UBE2J1: variants seen among roughly 807,000 people sequenced by gnomAD.
UBE2J1 encodes the protein ubiquitin-conjugating enzyme E2 J1.
UBE2J1 carries 17 observed loss-of-function variants against 42.1 expected under a neutral mutation model. The ratio of observed to expected loss-of-function variants is 0.40; its 90% confidence interval spans 0.28 to 0.61. UBE2J1 has a LOEUF of 0.61. UBE2J1 is among the 20% of genes least tolerant of loss of function. UBE2J1 has a pLI of 0.38. For missense variants in UBE2J1, 291 were observed against 389.4 expected (o/e 0.75, Z 2.13); for synonymous variants, 127 against 137.2 (o/e 0.93, Z 0.52).
rs1262946245 is a variant in UBE2J1, at chr6:89,329,693, C to T, written c.943G>A (p.Asp315Asn). ...ACAAAACCATATTATAACTCAAAGT[C>T]AAATATGTATTCGTTTGCCAGATAT... is the stretch of plus-strand genomic sequence containing the variant. ...RIYLANEYIF[D>N]FEL is the part of the protein sequence containing the mutation. Residue 315 changes from aspartate (D) to asparagine (N), a missense_variant, in exon 8 of 8, where the codon GAC becomes AAC. Physicochemically the swap from Asp to Asn is conservative, Grantham distance 23 (BLOSUM62 1). Coordinates refer to ENST00000435041, the MANE Select transcript of UBE2J1 (RefSeq NM_016021.3). 1.9e-6 allele frequency: 3 copies of T among 1,613,998 alleles called. No individual in the cohort carries two copies.
chr6:89,335,446 T>C lies in UBE2J1; in HGVS notation c.429-15A>G. ...AATCTTGTGATCTAGTAGAAAAAGA[T>C]TTTTTAAATGAAAATAAATAGTTAA... On this transcript the variant is annotated splice_polypyrimidine_tract_variant and intron_variant, in intron 5 of 7. Coordinates refer to ENST00000435041, the MANE Select transcript of UBE2J1 (RefSeq NM_016021.3). 1 of 1,536,738 alleles carries C rather than the reference T, an allele frequency of 6.5e-7. No homozygotes were observed. The highest frequency in any genetic ancestry group is 8.8e-7 in the Non-Finnish European group (1 of 1,135,486).
At position 89,335,006 on chromosome 6, in the gene UBE2J1, T is replaced by C. The variant is rs1768082298; in HGVS notation, c.558+296A>G. Among the ~76,000 whole-genome samples the C allele has an allele frequency of 2.0e-5, 3 of 152,328 alleles. 1 individual carries two copies. In the South Asian group the frequency reaches 6.2e-4, roughly 32 times the overall value. On this transcript the variant is annotated intron_variant, in intron 6 of 7. Transcript: ENST00000435041. ...CAGAGCTGGGATTTGAACCCTGGCATTGTATACCAGAGTTCAAGTTTCACT... is the reference window on the plus strand; with the variant it reads ...CAGAGCTGGGATTTGAACCCTGGCACTGTATACCAGAGTTCAAGTTTCACT...
intron 1 of UBE2J1, among the ~76,000 whole-genome samples, chr6:89,349,790 TG>T (rs1768433542): frequency 6.6e-6 from 1 of 152,158 alleles, no homozygotes; most frequent in Non-Finnish European, 1.5e-5. Context: ...CTTAGACTTC[TG>T]GTGGAGGCAG....
chr6:89,338,090 T>A (rs548443681), intron 5 of UBE2J1, 115 bp downstream of exon 5: 2 of 662,408 alleles, frequency 3.0e-6, no homozygotes, highest in South Asian at 4.3e-5. Flanking sequence ...GATAAGATCC[T>A]GTAGCTACAG....
intron 1 of UBE2J1, 48 bp downstream of exon 1, chr6:89,352,491 T>C: frequency 6.5e-7 from 1 of 1,534,154 alleles, no homozygotes; most frequent in Admixed American, 1.9e-5. Flanking sequence ...CACCCCGGGG[T>C]CCAGGGTCAC....
Position 89,340,401 on chromosome 6 carries a change from G to A in UBE2J1, c.238-1858C>T, listed in dbSNP as rs778920196. On this transcript the variant is annotated intron_variant, in intron 3 of 7. Coordinates refer to ENST00000435041, the MANE Select transcript of UBE2J1 (RefSeq NM_016021.3). ...CCCATGCACCAGCCCCTCCCTCCCC[G>A]AAGACCACTTAGCTCTCCCCATGAT... is the stretch of plus-strand genomic sequence containing the variant. 1.8e-3 allele frequency among the ~76,000 whole-genome samples: 279 copies of A among 152,000 alleles called. 1 individual carries two copies. Among genetic ancestry groups the A allele is most frequent in the Non-Finnish European group, 1.7e-3 (118 of 68,006 alleles).
chr6:89,338,587 T>C, intron 3 of UBE2J1, 44 bp from the exon 4 acceptor site: 1 of 1,079,338 alleles, frequency 9.3e-7, no homozygotes, highest in East Asian at 2.6e-5. Context: ...TACATGTGCT[T>C]AATGTTTATA....
chr6:89,352,463 G>A (rs1387567184), intron 1 of UBE2J1, 76 bp downstream of exon 1: 2 of 1,461,588 alleles, frequency 1.4e-6, no homozygotes, highest in African/African-American at 1.5e-5. Context: ...CCAGACGCGA[G>A]GGGACCGAGG....
chr6:89,333,184 T>C lies in UBE2J1; in HGVS notation c.580A>G (p.Lys194Glu), dbSNP rs765459662. The C allele has an allele frequency of 6.2e-7, 1 of 1,611,954 alleles. No individual in the cohort carries two copies. Among genetic ancestry groups the C allele is most frequent in the Non-Finnish European group, 8.5e-7 (1 of 1,179,128 alleles). Residue 194 changes from lysine (K) to glutamate (E), a missense_variant, in exon 7 of 8, where the codon AAG becomes GAG. By Grantham distance (56) the Lys-to-Glu change is moderately conservative (BLOSUM62 1). This residue lies in a region of UBE2J1 where 176 missense variants were observed against 196.3 expected (regional missense o/e 0.90). Transcript: ENST00000435041. ...TTTAAGTCTGACTCAGAGATAGTCT[T>C]TCCAGATGAATTGACTTCTGCCTAT... ...SFKAEVNSSG[K>E]TISESDLNHS...
intron 3 of UBE2J1, 148 bp downstream of exon 3, chr6:89,342,176 A>T (rs1447930251): frequency 1.4e-6 from 1 of 699,938 alleles, no homozygotes; most frequent in African/African-American, 1.8e-5. Context: ...ATTATTTTGG[A>T]GGAAAAAAAT....
intron 1 of UBE2J1, among the ~76,000 whole-genome samples, chr6:89,347,427 T>C (rs1331005633): frequency 6.6e-6 from 1 of 152,218 alleles, no homozygotes; most frequent in Non-Finnish European, 1.5e-5. Context: ...CTTATCGCAT[T>C]TTCTCTGCCT....
intron 3 of UBE2J1, among the ~76,000 whole-genome samples, chr6:89,339,792 T>C (rs901705202): frequency 1.3e-5 from 2 of 151,494 alleles, no homozygotes; most frequent in Non-Finnish European, 2.9e-5. Flanking sequence ...GAAGGTCACT[T>C]GAGGCCAGGA....
intron 1 of UBE2J1, among the ~76,000 whole-genome samples, chr6:89,351,819 T>C (rs1220458339): frequency 6.6e-6 from 1 of 152,204 alleles, no homozygotes; most frequent in African/African-American, 2.4e-5. Flanking sequence ...ATCTTTATAA[T>C]GCACCAGAAA....
chr6:89,350,090 G>A (rs1212563289), intron 1 of UBE2J1, among the ~76,000 whole-genome samples: 1 of 151,714 alleles, frequency 6.6e-6, no homozygotes, highest in Non-Finnish European at 1.5e-5. Flanking sequence ...CTACTGTGAG[G>A]TGATCCTACA....
At chr6:89,343,812 G>C (rs1199091480) in intron 1 of UBE2J1, 56 bp from the exon 2 acceptor site, 9 of 1,385,488 alleles carry the variant, frequency 6.5e-6, no homozygotes, top group Non-Finnish European at 7.9e-6. Context: ...TGAATGATTA[G>C]CACAGTCTTA....
At position 89,342,363 on chromosome 6, in the gene UBE2J1, T is replaced by C; in HGVS notation, c.198A>G (p.Pro66=). Residue 66 remains proline, a synonymous_variant, in exon 3 of 8, where the codon CCA becomes CCG. Coordinates refer to ENST00000435041, the MANE Select transcript of UBE2J1 (RefSeq NM_016021.3). ...TGCTTGGTGGTTTCATGGGATACTC[T>C]GGTGGCAGTACTATCCGCCCGTGAT... is the stretch of plus-strand genomic sequence containing the variant. ...GVYHGRIVLP[P]EYPMKPPSII... The C allele has an allele frequency of 6.2e-7, 1 of 1,614,128 alleles. No homozygotes were observed. Among genetic ancestry groups the C allele is most frequent in the Non-Finnish European group, 8.5e-7 (1 of 1,179,994 alleles).
chr6:89,340,134 T>C (rs1006449117), intron 3 of UBE2J1, among the ~76,000 whole-genome samples: 1 of 152,150 alleles, frequency 6.6e-6, no homozygotes, highest in East Asian at 1.9e-4. Flanking sequence ...AGAAAGGCTC[T>C]GAGAGAGGTG....
At chr6:89,342,547 A>G (rs781496060) in intron 2 of UBE2J1, 92 bp from the exon 3 acceptor site, 14 of 1,225,706 alleles carry the variant, frequency 1.1e-5, no homozygotes, top group South Asian at 1.6e-5. Context: ...AGCAAGAAAA[A>G]TTAAATGCTT....
At position 89,338,521 on chromosome 6, in the gene UBE2J1, C is replaced by T. The variant is rs764609861; in HGVS notation, c.260G>A (p.Gly87Asp). 1 of 1,588,062 alleles carries T rather than the reference C, an allele frequency of 6.3e-7. No homozygotes were observed. Among genetic ancestry groups the T allele is most frequent in the South Asian group, 1.2e-5 (1 of 85,488 alleles). The part of the protein sequence containing the change: ...LLTANGRFEV[G>D]KKICLSISGH... Reference sequence around the variant, plus strand: ...TGAGATGCTCAAACAGATTTTCTTGCCCACTTCAAATCGACCATTAGCCTG... The same window carrying T: ...TGAGATGCTCAAACAGATTTTCTTGTCCACTTCAAATCGACCATTAGCCTG... The change falls in exon 4 of 8, where the codon GGC becomes GAC. Residue 87 changes from glycine to aspartate, a missense_variant. Coordinates refer to ENST00000435041, the MANE Select transcript of UBE2J1 (RefSeq NM_016021.3).
Sources: gnomAD v4.1 joint callset for allele counts (sites outside exome capture counted in the v4.1 genomes callset) on GRCh38, gnomAD v4.1.1 for gene constraint, gnomAD v4.1.1 regional missense constraint, MANE v1.5 for transcripts, NCBI Gene and HGNC (gene_info 2026-07-23, HGNC 2026-07-21) for gene names.